DPP6: variants seen among roughly 807,000 people sequenced by gnomAD.
DPP6 encodes dipeptidyl peptidase like 6.
A neutral mutation model predicts 122.6 loss-of-function variants in DPP6; 69 were observed. The ratio of observed to expected loss-of-function variants is 0.56; its 90% CI spans 0.46 to 0.69. The LOEUF is 0.69. Among genes scored for constraint, DPP6 ranks in the 30% least tolerant of loss-of-function variants. The probability of loss-of-function intolerance (pLI) is 0.00; values close to 1 mark genes in which losing one functional copy is unlikely to be tolerated. For missense variants in DPP6, 928 were observed against 1,116.9 expected (o/e 0.83, Z 2.41); for synonymous variants, 418 against 433.1 (o/e 0.97, Z 0.43).
intron 1 of DPP6, among the ~76,000 whole-genome samples, chr7:154,415,438 T>G (rs1264446582): frequency 6.6e-6 from 1 of 152,120 alleles, no homozygotes; most frequent in African/African-American, 2.4e-5. Context: ...TTAAATTTGG[T>G]GTGAGTAGTA....
chr7:154,714,544 C>G (rs996151135), intron 7 of DPP6, among the ~76,000 whole-genome samples: 6 of 152,172 alleles, frequency 3.9e-5, no homozygotes, highest in African/African-American at 1.2e-4. Flanking sequence ...GAGTGCCCAG[C>G]AAAGGGAAAA....
chr7:153,989,852 C>A (rs1797065967), intron 1 of DPP6, among the ~76,000 whole-genome samples: 1 of 151,870 alleles, frequency 6.6e-6, no homozygotes, highest in South Asian at 2.1e-4. Context: ...GGGCTCTGCC[C>A]ACCTGCAAGA....
chr7:154,113,412 T>TATATATATATACAC (rs1472172445), intron 1 of DPP6, among the ~76,000 whole-genome samples: 294 of 141,194 alleles, frequency 2.1e-3, no homozygotes, highest in African/African-American at 7.1e-3. Context: ...TATATATATA[T>TATATATATATACAC]ACACACACAC....
At chr7:154,771,791 C>T (rs1796263959) in intron 9 of DPP6, among the ~76,000 whole-genome samples, 1 of 152,172 alleles carries the variant, frequency 6.6e-6, no homozygotes, top group Non-Finnish European at 1.5e-5. Context: ...TTTCAGCTAA[C>T]CTTGATTGGT....
intron 1 of DPP6, among the ~76,000 whole-genome samples, chr7:154,346,990 TC>T (rs1321350992): frequency 6.6e-6 from 1 of 152,198 alleles, no homozygotes; most frequent in Non-Finnish European, 1.5e-5. Flanking sequence ...ACAGGAACCA[TC>T]CTGTATCTCA....
chr7:154,044,843 T>C (rs973841123), intron 1 of DPP6, among the ~76,000 whole-genome samples: 1 of 152,186 alleles, frequency 6.6e-6, no homozygotes, highest in African/African-American at 2.4e-5. Flanking sequence ...GAAAAAGCAA[T>C]GAGTCCAAAC....
chr7:154,796,191 C>T (rs543866486), intron 12 of DPP6: 1 of 380,182 alleles, frequency 2.6e-6, no homozygotes, highest in East Asian at 4.3e-5. Context: ...TGAAAATGAA[C>T]AGTCCATCAA....
chr7:154,786,339 T>C (rs1041936967), intron 10 of DPP6, among the ~76,000 whole-genome samples: 2 of 152,184 alleles, frequency 1.3e-5, no homozygotes, highest in African/African-American at 2.4e-5. Context: ...ATAAACCTCA[T>C]GTTGGTCTGT....
At chr7:154,283,189 C>T (rs1563412962) in intron 1 of DPP6, among the ~76,000 whole-genome samples, 1 of 152,088 alleles carries the variant, frequency 6.6e-6, no homozygotes, top group Non-Finnish European at 1.5e-5. Context: ...TTGTCTTGTC[C>T]TAGGTCACTC....
intron 16 of DPP6, among the ~76,000 whole-genome samples, chr7:154,808,192 T>C (rs1457217022): frequency 6.6e-6 from 1 of 152,216 alleles, no homozygotes; most frequent in South Asian, 2.1e-4. Context: ...GGAGAATGAA[T>C]AACTTTTATC....
At chr7:154,430,936 C>T (rs1818304322) in intron 1 of DPP6, among the ~76,000 whole-genome samples, 1 of 152,120 alleles carries the variant, frequency 6.6e-6, no homozygotes, top group African/African-American at 2.4e-5. Context: ...ACCAATATTG[C>T]AAGTTCAACG....
rs1585670488 is a variant in DPP6, at chr7:154,223,504, G to A, written c.243+170441G>A. The stretch of plus-strand genomic sequence containing the variant: ...ACCTAGGAGTTGGTGGGAGATGCTG[G>A]TAACAGCCTCTGATAGTGGGGTGTA... On this transcript the variant is annotated intron_variant, in intron 1 of 25. Coordinates refer to ENST00000377770, the MANE Select transcript of DPP6 (RefSeq NM_130797.4). Among the ~76,000 whole-genome samples the A allele has an allele frequency of 1.3e-5, 2 of 149,502 alleles. 1 individual carries two copies. The highest frequency in any genetic ancestry group is 3.9e-4 in the East Asian group (2 of 5,126).
intron 1 of DPP6, among the ~76,000 whole-genome samples, chr7:154,367,158 GC>G (rs1812258164): frequency 6.6e-6 from 1 of 152,160 alleles, no homozygotes; most frequent in Non-Finnish European, 1.5e-5. Context: ...CGCATTAGCA[GC>G]TTCCCAGGGT....
At chr7:154,692,371 A>G (rs895786622) in intron 7 of DPP6, among the ~76,000 whole-genome samples, 6 of 152,226 alleles carry the variant, frequency 3.9e-5, no homozygotes, top group Admixed American at 1.3e-4. Context: ...AATGTATGTA[A>G]TTAAGTCACG....
chr7:154,376,037 G>A (rs1813101751), intron 1 of DPP6, among the ~76,000 whole-genome samples: 3 of 152,194 alleles, frequency 2.0e-5, no homozygotes, highest in Admixed American at 2.0e-4. Flanking sequence ...ACTGGTAGCT[G>A]CCTGGGCCCC....
At chr7:153,754,750 T>A in the DPP6 span, among the ~76,000 whole-genome samples, 17 of 152,238 alleles carry the variant, frequency 1.1e-4, no homozygotes, top group Non-Finnish European at 2.1e-4. Flanking sequence ...TCAGATTTAA[T>A]TTCTGTGGTT....
the DPP6 span, among the ~76,000 whole-genome samples, chr7:153,855,325 A>G: frequency 6.6e-6 from 1 of 152,182 alleles, no homozygotes; most frequent in Non-Finnish European, 1.5e-5. Context: ...TTGCTTTTCC[A>G]TATGGATTTT....
At chr7:154,749,420 G>A (rs1268435916) in intron 8 of DPP6, among the ~76,000 whole-genome samples, 169 of 129,332 alleles carry the variant, frequency 1.3e-3, no homozygotes, top group African/African-American at 5.5e-3. Flanking sequence ...AGAGGGTGAG[G>A]GAGCATAGGA....
At chr7:154,031,472 T>C (rs1453003220) in intron 1 of DPP6, among the ~76,000 whole-genome samples, 6 of 151,962 alleles carry the variant, frequency 3.9e-5, no homozygotes, top group Non-Finnish European at 7.3e-5. Flanking sequence ...CACAGTAGTT[T>C]TGGCATTACC....
Sources: gnomAD v4.1 joint callset for allele counts (sites outside exome capture counted in the v4.1 genomes callset) on GRCh38, gnomAD v4.1.1 for gene constraint, MANE v1.5 for transcripts, NCBI Gene and HGNC (gene_info 2026-07-23, HGNC 2026-07-21) for gene names.